SORCS3: variants seen among roughly 807,000 people sequenced by gnomAD.
SORCS3 encodes the protein VPS10 domain-containing receptor SorCS3.
Under a neutral mutation model 146.3 loss-of-function variants are expected in SORCS3, and 57 were observed. That is an observed-to-expected ratio of 0.39 (90% CI 0.31 to 0.49). The LOEUF is 0.49. Ranked by LOEUF, SORCS3 falls within the 20% of genes least tolerant of loss-of-function variation. The pLI is 0.92. For missense variants in SORCS3, 1,341 were observed against 1,575.5 expected, an observed-to-expected ratio of 0.85 and a Z score of 2.52; for synonymous variants, 653 against 618.5, an observed-to-expected ratio of 1.06 and a Z score of -0.83.
intron 4 of SORCS3, among the ~76,000 whole-genome samples, chr10:105,004,017 C>T (rs2055078327): frequency 2.4e-5 from 2 of 84,812 alleles, no homozygotes; most frequent in South Asian, 5.7e-4. Context: ...TTTTTTTTAC[C>T]AGAGAAGATC....
At chr10:105,095,051 T>C (rs2055736252) in intron 6 of SORCS3, among the ~76,000 whole-genome samples, 1 of 152,182 alleles carries the variant, frequency 6.6e-6, no homozygotes, top group African/African-American at 2.4e-5. Flanking sequence ...AGCTGCAGTC[T>C]CACATATGGA....
At chr10:105,062,678 T>C (rs1229515935) in intron 5 of SORCS3, among the ~76,000 whole-genome samples, 2 of 152,176 alleles carry the variant, frequency 1.3e-5, no homozygotes, top group African/African-American at 4.8e-5. Context: ...TTACCTGTCT[T>C]TCCCAGCAAG....
intron 3 of SORCS3, among the ~76,000 whole-genome samples, chr10:104,967,097 C>T (rs2054830132): frequency 6.6e-6 from 1 of 151,978 alleles, no homozygotes; most frequent in Non-Finnish European, 1.5e-5. Context: ...CAGTTCTCAC[C>T]CTAAGGCAGT....
chr10:105,158,877 C>T lies in SORCS3; in HGVS notation c.1630-15C>T. ...GGAATTTCCTAGAATGAAACTATTT[C>T]TTTCTCCATTTTAGCCCTTCTGTTC... is the stretch of plus-strand genomic sequence containing the variant. On this transcript the variant is annotated splice_polypyrimidine_tract_variant and intron_variant, in intron 10 of 26. Transcript: ENST00000369701. 6.3e-7 allele frequency: 1 copy of T among 1,595,372 alleles called. No individual in the cohort carries two copies. The highest frequency in any genetic ancestry group is 8.6e-7 in the Non-Finnish European group (1 of 1,163,758).
chr10:105,225,090 G>A (rs1403793342), intron 20 of SORCS3, among the ~76,000 whole-genome samples: 1 of 151,998 alleles, frequency 6.6e-6, no homozygotes, highest in Non-Finnish European at 1.5e-5. Flanking sequence ...TTTTAAGGAA[G>A]TCCAGCTTAT....
rs374336509 is a variant in SORCS3, at chr10:105,043,098, A to G, written c.998A>G (p.His333Arg). ...MDFGRRWQLM[H>R]ERITPNRFYW... The stretch of plus-strand genomic sequence containing the variant: ...TTTGGAAGACGGTGGCAACTCATGC[A>G]TGAACGCATCACACCCAACAGGTTT... Residue 333 changes from histidine (H) to arginine (R), a missense_variant, in exon 5 of 27, where the codon CAT becomes CGT. By Grantham distance (29) the His-to-Arg change is conservative. Transcript: ENST00000369701. The G allele has an allele frequency of 6.3e-5, 102 of 1,613,762 alleles. No individual in the cohort carries two copies. The highest frequency in any genetic ancestry group is 7.7e-5 in the Non-Finnish European group (91 of 1,179,820).
chr10:105,109,089 A>T (rs1184699682), intron 7 of SORCS3, among the ~76,000 whole-genome samples: 1 of 152,170 alleles, frequency 6.6e-6, no homozygotes, highest in Non-Finnish European at 1.5e-5. Context: ...ATAGAAATTT[A>T]TATAACATAC....
chr10:105,066,921 G>A (rs765537193), intron 5 of SORCS3, among the ~76,000 whole-genome samples: 6 of 152,076 alleles, frequency 3.9e-5, no homozygotes, highest in Admixed American at 3.3e-4. Context: ...CCCCTGAACT[G>A]CCCTCCAGAG....
At chr10:105,113,144 C>T (rs1275128275) in intron 7 of SORCS3, among the ~76,000 whole-genome samples, 1 of 152,156 alleles carries the variant, frequency 6.6e-6, no homozygotes, top group Non-Finnish European at 1.5e-5. Flanking sequence ...ACAAAAGGAT[C>T]CTGCTGCTAA....
chr10:105,136,034 C>T (rs1383741629), intron 7 of SORCS3, among the ~76,000 whole-genome samples: 2 of 152,132 alleles, frequency 1.3e-5, no homozygotes, highest in Non-Finnish European at 2.9e-5. Context: ...ACTGTTCATA[C>T]ACCTATTCAT....
At chr10:104,702,994 T>C (rs1475228912) in intron 1 of SORCS3, among the ~76,000 whole-genome samples, 1 of 152,178 alleles carries the variant, frequency 6.6e-6, no homozygotes. Flanking sequence ...GGCCTACCCT[T>C]ATAGAGCTTA....
intron 5 of SORCS3, among the ~76,000 whole-genome samples, chr10:105,063,170 C>T (rs918583995): frequency 5.3e-5 from 8 of 152,124 alleles, no homozygotes; most frequent in African/African-American, 1.9e-4. Flanking sequence ...CCATATTAAA[C>T]ATCCTATGGA....
chr10:104,752,816 C>CT (rs1306915949), intron 1 of SORCS3, among the ~76,000 whole-genome samples: 7 of 152,098 alleles, frequency 4.6e-5, no homozygotes, highest in African/African-American at 1.7e-4. Context: ...TTACTATCAA[C>CT]TTAAAATAGA....
intron 2 of SORCS3, among the ~76,000 whole-genome samples, chr10:104,852,280 T>A (rs2018281637): frequency 1.3e-5 from 2 of 152,230 alleles, no homozygotes; most frequent in African/African-American, 4.8e-5. Flanking sequence ...GGGACCCCAA[T>A]CTGGATCTTC....
At chr10:105,053,270 A>G (rs1218446343) in intron 5 of SORCS3, among the ~76,000 whole-genome samples, 2 of 152,078 alleles carry the variant, frequency 1.3e-5, no homozygotes, top group African/African-American at 4.8e-5. Context: ...TTCAGTCCAT[A>G]GCAGGATGTA....
At chr10:105,035,776 T>C (rs1267611087) in intron 4 of SORCS3, among the ~76,000 whole-genome samples, 1 of 152,154 alleles carries the variant, frequency 6.6e-6, no homozygotes, top group Non-Finnish European at 1.5e-5. Context: ...ATCAAGTGCT[T>C]ATAGTAATTT....
chr10:105,058,891 G>A (rs540401752), intron 5 of SORCS3, among the ~76,000 whole-genome samples: 2 of 152,148 alleles, frequency 1.3e-5, no homozygotes, highest in Non-Finnish European at 2.9e-5. Flanking sequence ...TTGGGTGAGG[G>A]ATGCCCTAAA....
At chr10:105,216,735 G>A (rs949232417) in intron 18 of SORCS3, among the ~76,000 whole-genome samples, 15 of 152,124 alleles carry the variant, frequency 9.9e-5, no homozygotes, top group East Asian at 1.9e-4. Flanking sequence ...GAGCTTGGGC[G>A]ATGAGGACAA....
Position 105,223,207 on chromosome 10 carries a change from G to T in SORCS3, c.2826G>T (p.Leu942=). The T allele has an allele frequency of 6.2e-7, 1 of 1,612,868 alleles. No individual in the cohort carries two copies. Among genetic ancestry groups the T allele is most frequent in the Non-Finnish European group, 8.5e-7 (1 of 1,179,186 alleles). ...NISAVVWPSQ[L]GTLTYFWWFG... is the part of the protein sequence containing the mutation. ...GTGCAGTCGTGTGGCCCAGTCAACT[G>T]GGGACCCTTACCTATTTCTGGTGGT... The change falls in exon 20 of 27, where the codon CTG becomes CTT. Residue 942 remains leucine, a synonymous_variant. Transcript: ENST00000369701.
Sources: gnomAD v4.1 joint callset for allele counts (sites outside exome capture counted in the v4.1 genomes callset) on GRCh38, gnomAD v4.1.1 for gene constraint, MANE v1.5 for transcripts, NCBI Gene and HGNC (gene_info 2026-07-23, HGNC 2026-07-21) for gene names.